PHACTR1: variants seen among roughly 807,000 people sequenced by gnomAD.
PHACTR1 encodes RPEL repeat containing 1.
PHACTR1 carries 16 observed loss-of-function variants against 69.2 expected under a neutral mutation model. The ratio of observed to expected loss-of-function variants is 0.23; its 90% CI spans 0.16 to 0.35. The LOEUF is 0.35. Ranked by LOEUF, PHACTR1 falls within the 10% of genes least tolerant of loss-of-function variation. PHACTR1 has a pLI of 1.00. For missense variants in PHACTR1, 510 were observed against 734.7 expected, an observed-to-expected ratio of 0.69 and a Z score of 3.54; for synonymous variants, 312 against 284.5, an observed-to-expected ratio of 1.10 and a Z score of -0.97.
At chr6:13,202,447 A>G (rs776172137) in intron 7 of PHACTR1, among the ~76,000 whole-genome samples, 6 of 150,694 alleles carry the variant, frequency 4.0e-5, no homozygotes, top group Non-Finnish European at 5.9e-5. Context: ...TTAACACCTC[A>G]GGACATACTG....
intron 4 of PHACTR1, among the ~76,000 whole-genome samples, chr6:12,946,279 G>A (rs1197354255): frequency 6.6e-6 from 1 of 152,094 alleles, no homozygotes; most frequent in African/African-American, 2.4e-5. Context: ...GAGCAGGAAT[G>A]TAGTGAAGGA....
At chr6:13,208,712 A>G (rs1302192439) in intron 8 of PHACTR1, among the ~76,000 whole-genome samples, 1 of 148,610 alleles carries the variant, frequency 6.7e-6, no homozygotes, top group Non-Finnish European at 1.5e-5. Flanking sequence ...AGATACTTGG[A>G]TAGCATGTTA....
At chr6:12,749,859 C>T in intron 4 of PHACTR1, 69 bp downstream of exon 4, 1 of 1,397,956 alleles carries the variant, frequency 7.2e-7, no homozygotes, top group South Asian at 1.5e-5. Context: ...GTTGAGCCCC[C>T]GCCCCTCCCG....
intron 4 of PHACTR1, chr6:12,933,982 C>G (rs570541899): frequency 1.3e-6 from 2 of 1,539,546 alleles, no homozygotes; most frequent in African/African-American, 2.7e-5. Context: ...CAAAGTACCA[C>G]AAACTACATG....
chr6:13,034,483 G>A (rs1583059461), intron 4 of PHACTR1, among the ~76,000 whole-genome samples: 1 of 152,164 alleles, frequency 6.6e-6, no homozygotes, highest in Non-Finnish European at 1.5e-5. Flanking sequence ...TTATCTTGGA[G>A]GTTCAGTTAT....
At chr6:13,131,377 A>G (rs1389911350) in intron 5 of PHACTR1, among the ~76,000 whole-genome samples, 1 of 152,090 alleles carries the variant, frequency 6.6e-6, no homozygotes, top group Non-Finnish European at 1.5e-5. Flanking sequence ...GTTCTTATTT[A>G]TAAGTGGGAG....
chr6:12,783,245 C>T (rs1027034442), intron 4 of PHACTR1, among the ~76,000 whole-genome samples: 1 of 152,150 alleles, frequency 6.6e-6, no homozygotes, highest in African/African-American at 2.4e-5. Context: ...AAGGCACATA[C>T]TCATTTTGTT....
At chr6:13,172,246 T>C (rs2113645623) in intron 6 of PHACTR1, among the ~76,000 whole-genome samples, 1 of 152,330 alleles carries the variant, frequency 6.6e-6, no homozygotes, top group East Asian at 1.9e-4. Flanking sequence ...GCATTTTTTA[T>C]ATCAAAATGC....
chr6:12,937,602 G>A (rs1789605878), intron 4 of PHACTR1, among the ~76,000 whole-genome samples: 2 of 152,166 alleles, frequency 1.3e-5, no homozygotes, highest in Admixed American at 6.5e-5. Context: ...GGCGGTAAGA[G>A]TTATGAAGAA....
chr6:13,093,461 C>T lies in PHACTR1; in HGVS notation c.415+39932C>T, dbSNP rs1197609281. On this transcript the variant is annotated intron_variant, in intron 5 of 14. Transcript: ENST00000332995. Reference sequence around the variant, plus strand: ...TCAGCCTCCCACGGCCATCATCATTCTCCTTATCACAGTTATTACTGTTCC... The same window carrying T: ...TCAGCCTCCCACGGCCATCATCATTTTCCTTATCACAGTTATTACTGTTCC... Among the ~76,000 whole-genome samples, 3 of 152,212 alleles carry T rather than the reference C, an allele frequency of 2.0e-5. No individual in the cohort carries two copies. The East Asian group carries it at 5.8e-4, about 29-fold the overall frequency.
chr6:12,990,160 A>G (rs1263078340), intron 4 of PHACTR1, among the ~76,000 whole-genome samples: 1 of 152,202 alleles, frequency 6.6e-6, no homozygotes, highest in Non-Finnish European at 1.5e-5. Flanking sequence ...AGATGCCTGG[A>G]TGGCAAAGCA....
At chr6:12,910,657 T>C (rs1240481300) in intron 4 of PHACTR1, among the ~76,000 whole-genome samples, 2 of 152,118 alleles carry the variant, frequency 1.3e-5, no homozygotes, top group African/African-American at 4.8e-5. Flanking sequence ...TTGACAGAAG[T>C]CCCCTTTTGT....
At chr6:13,067,421 A>G (rs1808818775) in intron 5 of PHACTR1, among the ~76,000 whole-genome samples, 1 of 152,240 alleles carries the variant, frequency 6.6e-6, no homozygotes, top group African/African-American at 2.4e-5. Context: ...TAACAGTGAT[A>G]TTACAAGATG....
chr6:12,885,235 C>T (rs1783526093), intron 4 of PHACTR1, among the ~76,000 whole-genome samples: 1 of 152,200 alleles, frequency 6.6e-6, no homozygotes, highest in Non-Finnish European at 1.5e-5. Flanking sequence ...ATGCTTTCAT[C>T]CAGCTCCAGA....
At chr6:13,065,892 G>A (rs1268996599) in intron 5 of PHACTR1, among the ~76,000 whole-genome samples, 1 of 151,460 alleles carries the variant, frequency 6.6e-6, no homozygotes, top group Non-Finnish European at 1.5e-5. Flanking sequence ...ATAGCCTTCA[G>A]CATCTGGCCA....
intron 5 of PHACTR1, among the ~76,000 whole-genome samples, chr6:13,064,822 C>T (rs747530031): frequency 2.7e-5 from 4 of 150,576 alleles, no homozygotes; most frequent in East Asian, 4.0e-4. Context: ...GCTCAAGGAA[C>T]GCAAAAAGTC....
intron 4 of PHACTR1, among the ~76,000 whole-genome samples, chr6:13,022,279 C>T (rs958764312): frequency 6.6e-6 from 1 of 152,130 alleles, no homozygotes; most frequent in Non-Finnish European, 1.5e-5. Context: ...AGGGGACCTC[C>T]GACGCCTCTA....
intron 4 of PHACTR1, among the ~76,000 whole-genome samples, chr6:12,929,070 C>T (rs888580282): frequency 6.6e-6 from 1 of 152,192 alleles, no homozygotes; most frequent in Non-Finnish European, 1.5e-5. Flanking sequence ...AGCTCCATTT[C>T]GGAGTTCATG....
At chr6:12,780,360 A>C (rs1770669334) in intron 4 of PHACTR1, among the ~76,000 whole-genome samples, 2 of 152,054 alleles carry the variant, frequency 1.3e-5, no homozygotes, top group African/African-American at 4.8e-5. Context: ...ACACAGCTTC[A>C]TATAAAAGAA....
Sources: gnomAD v4.1 joint callset for allele counts (sites outside exome capture counted in the v4.1 genomes callset) on GRCh38, gnomAD v4.1.1 for gene constraint, MANE v1.5 for transcripts, NCBI Gene and HGNC (gene_info 2026-07-23, HGNC 2026-07-21) for gene names.